Variants in TEPSIN observed in about 807,000 individuals in gnomAD.
TEPSIN encodes the protein AP-4 complex accessory subunit tepsin.
Under a neutral mutation model 48.5 loss-of-function variants are expected in TEPSIN, and 50 were observed. The ratio of observed to expected loss-of-function variants is 1.03; its 90% CI spans 0.82 to 1.31. TEPSIN has a LOEUF of 1.31. Ranked by LOEUF, TEPSIN falls within the 50% of genes most tolerant of loss-of-function variation. The pLI, the probability that TEPSIN is intolerant of heterozygous loss-of-function variation, is 0.00. For synonymous variants in TEPSIN, 392 were observed against 358.8 expected (o/e 1.09, Z -1.05); for missense variants, 838 against 815.9 (o/e 1.03, Z -0.33).
Position 81,233,554 on chromosome 17 carries a change from C to G in TEPSIN, c.455-51G>C, listed in dbSNP as rs1314562937. On this transcript the variant is annotated intron_variant, in intron 6 of 12. Coordinates refer to ENST00000637944, the MANE Select transcript of TEPSIN (RefSeq NM_001363764.2). The surrounding 1 kb of genome is among the most constrained non-coding windows in gnomAD (Gnocchi z 5.8). ...AAGCCGGCCCCCACCCTCGGCCCTG[C>G]CCACGGATGGCACAGACACCCAGGA... is the stretch of plus-strand genomic sequence containing the variant. 6.4e-7 allele frequency: 1 copy of G among 1,563,706 alleles called. No individual in the cohort carries two copies. The highest frequency in any genetic ancestry group is 1.3e-5 in the African/African-American group (1 of 74,286).
chr17:81,231,329 GCA>G (rs757439703), intron 11 of TEPSIN, 67 bp downstream of exon 11: 755 of 1,404,456 alleles, frequency 5.4e-4, no homozygotes, highest in Non-Finnish European at 6.8e-4. Context: ...GCACACACAC[GCA>G]CACGCACACA....
chr17:81,229,098 A>C lies in TEPSIN; in HGVS notation c.1612T>G (p.Leu538Val). The change falls in exon 13 of 13, where the codon TTG becomes GTG. Residue 538 changes from leucine (L) to valine (V), a missense_variant. Leu to Val is a conservative substitution (Grantham distance 32, BLOSUM62 1). Coordinates refer to ENST00000637944, the MANE Select transcript of TEPSIN (RefSeq NM_001363764.2). ...GCCACCAGCTCCATGCCAGCAAACA[A>C]GGAGTCGCGGCTCCACGCACAGCTG... Reference protein sequence around the residue: ...PSSCAWSRDSLFAGMELVACP... With the variant: ...PSSCAWSRDSVFAGMELVACP... 6 of 1,613,544 alleles carry C rather than the reference A, an allele frequency of 3.7e-6. No homozygotes were observed. The highest frequency in any genetic ancestry group is 4.2e-6 in the Non-Finnish European group (5 of 1,179,948).
chr17:81,237,546 C>G, intron 1 of TEPSIN, 87 bp from the exon 2 acceptor site: 8 of 1,343,872 alleles, frequency 6.0e-6, no homozygotes, highest in Non-Finnish European at 8.1e-6. Context: ...ATGGAAACGA[C>G]CCACCTCTCA....
intron 1 of TEPSIN, chr17:81,237,971 A>G: frequency 3.0e-6 from 3 of 1,001,546 alleles, no homozygotes; most frequent in South Asian, 4.1e-5. Context: ...CGCTTAGCGC[A>G]GACGTACTTA....
Position 81,230,446 on chromosome 17 carries a change from A to C in TEPSIN, c.1233+98T>G. On this transcript the variant is annotated intron_variant, in intron 12 of 12. Coordinates refer to ENST00000637944, the MANE Select transcript of TEPSIN (RefSeq NM_001363764.2). The surrounding 1 kb of genome is among the most constrained non-coding windows in gnomAD (Gnocchi z 4.2). ...TTGAGAGGGGGTCCGGGAAGGGCTG[A>C]CCAGGCGCCGGGCAGGGACGGGGTG... The C allele has an allele frequency of 1.3e-6, 2 of 1,520,746 alleles. No individual in the cohort carries two copies. The highest frequency in any genetic ancestry group is 1.8e-6 in the Non-Finnish European group (2 of 1,129,474). 94.2% of individuals were successfully genotyped at this position (1,520,746 alleles called of 1,614,324 possible).
rs866891960 is a variant in TEPSIN at position 81,236,743 on chromosome 17, A to G, written c.272T>C (p.Leu91Pro). The stretch of plus-strand genomic sequence containing the variant: ...CTGGATGAAGGCAGAGTTGCGTTTG[A>G]GGATGAGCAGGAAGAAGGAGGAGCC... ...SHGSSFFLLI[L>P]KRNSAFIQEA... is the part of the protein sequence containing the mutation. The change falls in exon 4 of 13, where the codon CTC becomes CCC. Residue 91 changes from leucine (L) to proline (P), a missense_variant. Leu to Pro is a moderately conservative substitution (Grantham distance 98). Transcript: ENST00000637944. 1 of 1,573,504 alleles carries G rather than the reference A, an allele frequency of 6.4e-7. No homozygotes were observed. Among genetic ancestry groups the G allele is most frequent in the East Asian group, 2.4e-5 (1 of 42,354 alleles).
In TEPSIN at chr17:81,231,968, C is replaced by A; in HGVS notation, c.784G>T (p.Gly262Cys). 6.2e-7 allele frequency: 1 copy of A among 1,613,020 alleles called. No individual in the cohort carries two copies. The highest frequency in any genetic ancestry group is 8.5e-7 in the Non-Finnish European group (1 of 1,179,964). The change falls in exon 9 of 13, where the codon GGC becomes TGC. Residue 262 changes from glycine to cysteine, a missense_variant. Physicochemically the swap from Gly to Cys is radical, Grantham distance 159 (BLOSUM62 -3). Transcript: ENST00000637944. ...AGGGWDELDSGPSSQNSSQNS... is the reference protein window; with the variant it reads ...AGGGWDELDSCPSSQNSSQNS... ...TGGGAGGAATTCTGAGAGCTGGGGC[C>A]GCTGTCCAGCTCATCCCAGCCCCCT... is the stretch of plus-strand genomic sequence containing the variant.
chr17:81,231,206 C>CACACAGGCATACAT, intron 11 of TEPSIN, 192 bp downstream of exon 11: 1 of 620,660 alleles, frequency 1.6e-6, no homozygotes, highest in South Asian at 2.0e-5. Flanking sequence ...AGTGTGTACA[C>CACACAGGCATACAT]ACACAGGCAT....
rs75376718 is a variant in TEPSIN, at chr17:81,230,722, G to A, written c.1099-44C>T. On this transcript the variant is annotated intron_variant, in intron 11 of 12. Transcript: ENST00000637944. The surrounding 1 kb of genome is among the most constrained non-coding windows in gnomAD (Gnocchi z 4.2). ...GACATCAGCACCCATGGGGCAGCAG[G>A]TCCACGCCAGGGAGGCCTATTTGGC... 0.014 allele frequency: 20,225 copies of A among 1,480,012 alleles called. 336 individuals are homozygous for A. The highest frequency in any genetic ancestry group is 0.066 in the South Asian group (4,738 of 72,088). The allele number at this position is 1,480,012 out of a possible 1,614,324, so 91.7% of individuals were successfully genotyped here. A position where few individuals can be genotyped will look rare whatever the true frequency, so the allele number is the denominator to read the frequency against.
rs1331245522 is a variant in TEPSIN, at chr17:81,231,921, G to C, written c.831C>G (p.Val277=). ...NSSQNSDLSR[V]SDSGSHSGSD... ...TGCCGGAATGACTGCCCGAGTCCGAGACCCTGCTCAGGTCGCTGTTCTGGG... is the reference window on the plus strand; with the variant it reads ...TGCCGGAATGACTGCCCGAGTCCGACACCCTGCTCAGGTCGCTGTTCTGGG... The change falls in exon 9 of 13, where the codon GTC becomes GTG. Residue 277 remains valine, a synonymous_variant. Transcript: ENST00000637944. 3 of 1,613,708 alleles carry C rather than the reference G, an allele frequency of 1.9e-6. No individual in the cohort carries two copies. Among genetic ancestry groups the C allele is most frequent in the South Asian group, 1.1e-5 (1 of 91,090 alleles).
In TEPSIN at chr17:81,232,242, G is replaced by A. The variant is rs113308124; in HGVS notation, c.730+73C>T. 2.4e-3 allele frequency: 3,485 copies of A among 1,430,490 alleles called. 84 individuals carry two copies. The African/African-American group carries it at 0.044, about 18-fold the overall frequency. The allele number at this position is 1,430,490 out of a possible 1,614,324, so 88.6% of individuals were successfully genotyped here. On this transcript the variant is annotated intron_variant, in intron 8 of 12. Transcript: ENST00000637944. ...GTGGGAGGCCCTGGGATTTGCCTCC[G>A]TGGCCGCAAAGCCCCAGCGGTGACA...
chr17:81,228,709 A>G lies in TEPSIN; in HGVS notation c.*219T>C, dbSNP rs2062517004. Reference sequence around the variant, plus strand: ...GCCCCCTGAGAGCCCTGAGATCGACATTTCTGAAGCCCTGCCACCTGCCAT... The same window carrying G: ...GCCCCCTGAGAGCCCTGAGATCGACGTTTCTGAAGCCCTGCCACCTGCCAT... On this transcript the variant is annotated 3_prime_UTR_variant, in exon 13 of 13. Transcript: ENST00000637944. 3 of 613,716 alleles carry G rather than the reference A, an allele frequency of 4.9e-6. No homozygotes were observed. The highest frequency in any genetic ancestry group is 8.4e-6 in the Non-Finnish European group (3 of 357,956). The allele number at this position is 613,716 out of a possible 1,614,324, so 38.0% of individuals were successfully genotyped here. A position where few individuals can be genotyped will look rare whatever the true frequency, so the allele number is the denominator to read the frequency against.
chr17:81,232,394 C>T lies in TEPSIN; in HGVS notation c.651G>A (p.Gln217=), dbSNP rs774613093. ...RRLLPRGDTY[Q]PAMMPSASHG... ...GGCTGGCTGAAGGCATCATGGCAGG[C>T]TGGTAGGTGTCACCCCGCGGCAGGA... The change falls in exon 8 of 13, where the codon CAG becomes CAA. Residue 217 remains glutamine, a synonymous_variant. Coordinates refer to ENST00000637944, the MANE Select transcript of TEPSIN (RefSeq NM_001363764.2). 1.5e-5 allele frequency: 23 copies of T among 1,535,716 alleles called. No individual in the cohort carries two copies. The African/African-American group carries it at 3.1e-4, about 21-fold the overall frequency.
chr17:81,231,790 G>A, intron 9 of TEPSIN, 57 bp downstream of exon 9: 3 of 1,606,632 alleles, frequency 1.9e-6, no homozygotes, highest in Admixed American at 1.7e-5. Flanking sequence ...CGCGCTGGGA[G>A]GGGGACAGTG....
Position 81,230,840 on chromosome 17 carries a change from C to A in TEPSIN, c.1099-162G>T, listed in dbSNP as rs116428939. ...CCACAGCCCTGTCCTCACCGCCTTA[C>A]ACCCCGGATCCCAGACACCACAGCC... On this transcript the variant is annotated intron_variant, in intron 11 of 12. Coordinates refer to ENST00000637944, the MANE Select transcript of TEPSIN (RefSeq NM_001363764.2). This position sits in a 1 kb window ranked among gnomAD's most constrained non-coding sequence, Gnocchi z 4.2. The A allele has an allele frequency of 1.4e-3, 1,281 of 899,136 alleles. 9 individuals are homozygous for A. The African/African-American group carries it at 0.021, about 15-fold the overall frequency. The allele number at this position is 899,136 out of a possible 1,614,324, so 55.7% of individuals were successfully genotyped here. A position where few individuals can be genotyped will look rare whatever the true frequency, so the allele number is the denominator to read the frequency against.
chr17:81,229,011 C>T lies in TEPSIN; in HGVS notation c.1699G>A (p.Ala567Thr), dbSNP rs768246747. The T allele has an allele frequency of 8.1e-6, 13 of 1,613,444 alleles. No homozygotes were observed. The highest frequency in any genetic ancestry group is 1.7e-4 in the Middle Eastern group (1 of 6,052). ...AGESCPDAPRAPQTSSQRTAA... is the reference protein window; with the variant it reads ...AGESCPDAPRTPQTSSQRTAA... The stretch of plus-strand genomic sequence containing the variant: ...GTCCTCTGGGACGATGTTTGGGGGG[C>T]GCGGGGAGCATCAGGACAGGACTCT... Residue 567 changes from alanine (A) to threonine (T), a missense_variant, in exon 13 of 13, where the codon GCC (alanine) becomes ACC (threonine). Coordinates refer to ENST00000637944, the MANE Select transcript of TEPSIN (RefSeq NM_001363764.2).
At position 81,234,271 on chromosome 17, in the gene TEPSIN, A is replaced by ACAGCAACCACCTCGTCTCCCCCAGGGT. The variant is rs2062682126; in HGVS notation, c.308-250_308-224dup. ...GCCCCACAGAGGCGAGACTCTCTCCACAGCAACCACCTCGTCTCCCCCAGG... is the reference window on the plus strand; with the variant it reads ...GCCCCACAGAGGCGAGACTCTCTCCACAGCAACCACCTCGTCTCCCCCAGGGTCAGCAACCACCTCGTCTCCCCCAGG... On this transcript the variant is annotated intron_variant, in intron 4 of 12. Coordinates refer to ENST00000637944, the MANE Select transcript of TEPSIN (RefSeq NM_001363764.2). This position sits in a 1 kb window ranked among gnomAD's most constrained non-coding sequence, Gnocchi z 5.4. The ACAGCAACCACCTCGTCTCCCCCAGGGT allele has an allele frequency of 2.4e-6, 1 of 419,062 alleles. No individual in the cohort carries two copies. Among genetic ancestry groups the ACAGCAACCACCTCGTCTCCCCCAGGGT allele is most frequent in the South Asian group, 6.6e-5 (1 of 15,162 alleles). 26.0% of individuals were successfully genotyped at this position (419,062 alleles called of 1,614,324 possible).
In TEPSIN at chr17:81,233,454, G is replaced by A; in HGVS notation, c.504C>T (p.Tyr168=). 1 of 1,611,304 alleles carries A rather than the reference G, an allele frequency of 6.2e-7. No individual in the cohort carries two copies. Among genetic ancestry groups the A allele is most frequent in the Non-Finnish European group, 8.5e-7 (1 of 1,179,388 alleles). ...RPHSTLQGFG[Y]SKEHGRTGSA... ...CACCCGTGCGGCCGTGTTCCTTGCT[G>A]TAGCCGAAACCCTGGAGGGTGCTGT... Residue 168 remains tyrosine, a synonymous_variant, in exon 7 of 13, where the codon TAC becomes TAT. Transcript: ENST00000637944. This position sits in a 1 kb window ranked among gnomAD's most constrained non-coding sequence, Gnocchi z 5.8.
intron 7 of TEPSIN, chr17:81,232,773 G>A (rs142728251): frequency 8.3e-6 from 4 of 480,990 alleles, no homozygotes; most frequent in Non-Finnish European, 1.5e-5. Context: ...TCTGTCCTCT[G>A]GGGGTGAAGG....
Sources: allele counts gnomAD v4.1 joint callset, GRCh38; gene constraint gnomAD v4.1.1; non-coding constraint Gnocchi (gnomAD v3.1); transcripts MANE v1.5; gene names NCBI Gene and HGNC (gene_info 2026-07-23, HGNC 2026-07-21).